Variants in LRGUK observed in about 807,000 individuals in gnomAD.
LRGUK encodes the protein leucine-rich repeat and guanylate kinase domain-containing protein.
LRGUK carries 65 observed loss-of-function variants against 76.0 expected under a neutral mutation model. The ratio of observed to expected loss-of-function variants is 0.85; its 90% CI spans 0.70 to 1.05. The LOEUF (loss-of-function observed/expected upper bound fraction) is 1.05, where lower values mean the gene tolerates loss of function less well. Ranked by LOEUF, LRGUK falls within the 50% of genes least tolerant of loss-of-function variation. The probability of loss-of-function intolerance (pLI) is 0.00; values close to 1 mark genes in which losing one functional copy is unlikely to be tolerated. For missense variants in LRGUK, 758 were observed against 732.8 expected (o/e 1.03, Z -0.40); for synonymous variants, 268 against 265.6 (o/e 1.01, Z -0.09).
intron 15 of LRGUK, among the ~76,000 whole-genome samples, chr7:134,206,255 G>A (rs775488067): frequency 2.6e-5 from 4 of 152,248 alleles, no homozygotes; most frequent in South Asian, 2.1e-4. Flanking sequence ...GGTGGCTTAC[G>A]CCTGTAATCC....
At chr7:134,157,245 TC>T (rs1257347070) in intron 5 of LRGUK, among the ~76,000 whole-genome samples, 1 of 152,208 alleles carries the variant, frequency 6.6e-6, no homozygotes, top group Non-Finnish European at 1.5e-5. Context: ...AAAGGGCTGT[TC>T]CTTTCTCTAA....
intron 16 of LRGUK, among the ~76,000 whole-genome samples, chr7:134,234,888 C>T (rs1801979079): frequency 6.6e-6 from 1 of 152,084 alleles, no homozygotes; most frequent in African/African-American, 2.4e-5. Context: ...AACTCTGTAT[C>T]TGCAGTTATC....
At chr7:134,190,084 C>T (rs1160811218) in intron 11 of LRGUK, among the ~76,000 whole-genome samples, 1 of 152,140 alleles carries the variant, frequency 6.6e-6, no homozygotes, top group African/African-American at 2.4e-5. Context: ...ATTACTTAAT[C>T]GCTGTGCCTC....
At chr7:134,197,216 T>C in intron 13 of LRGUK, 111 bp downstream of exon 13, 1 of 649,990 alleles carries the variant, frequency 1.5e-6, no homozygotes, top group Non-Finnish European at 2.7e-6. Flanking sequence ...TGATACATAA[T>C]TGAGGTACAT....
At chr7:134,247,601 C>T in exon 17 of LRGUK, 1 of 1,613,878 alleles carries the variant, frequency 6.2e-7, no homozygotes, top group Non-Finnish European at 8.5e-7. Flanking sequence ...CCGGCAAGCT[C>T]TAATGGGAAG....
chr7:134,199,037 A>G (rs1398749393), intron 13 of LRGUK, among the ~76,000 whole-genome samples, 183 bp from the exon 14 acceptor site: 1 of 152,218 alleles, frequency 6.6e-6, no homozygotes, highest in African/African-American at 2.4e-5. Context: ...AAACTTGATG[A>G]AGAGAGAAAT....
chr7:134,273,025 A>G, the LRGUK span, among the ~76,000 whole-genome samples: 5 of 152,244 alleles, frequency 3.3e-5, no homozygotes, highest in South Asian at 8.3e-4. Flanking sequence ...AGTCTTGAGT[A>G]TTGTCTATTT....
intron 16 of LRGUK, among the ~76,000 whole-genome samples, chr7:134,225,814 G>A (rs1369201158): frequency 6.6e-6 from 1 of 152,130 alleles, no homozygotes; most frequent in Non-Finnish European, 1.5e-5. Context: ...TGCAAAACAA[G>A]CAACATACCT....
At chr7:134,168,212 A>T (rs191521716) in intron 7 of LRGUK, among the ~76,000 whole-genome samples, 7 of 151,976 alleles carry the variant, frequency 4.6e-5, no homozygotes, top group Non-Finnish European at 7.4e-5. Context: ...TAATAATAAT[A>T]AAAAAAACTG....
intron 8 of LRGUK, among the ~76,000 whole-genome samples, 176 bp from the exon 9 acceptor site, chr7:134,176,801 C>G (rs1799498735): frequency 6.6e-6 from 1 of 152,192 alleles, no homozygotes; most frequent in Non-Finnish European, 1.5e-5. Flanking sequence ...AAGGCACAGT[C>G]TGCATTGAGT....
At chr7:134,145,469 A>T (rs894103775) in intron 4 of LRGUK, among the ~76,000 whole-genome samples, 1 of 151,742 alleles carries the variant, frequency 6.6e-6, no homozygotes, top group Non-Finnish European at 1.5e-5. Context: ...CTGGTCTGAA[A>T]CTCCTGATCT....
At chr7:134,265,475 C>A (rs896855252), downstream of LRGUK, among the ~76,000 whole-genome samples, 4 of 152,030 alleles carry the variant, frequency 2.6e-5, no homozygotes, top group African/African-American at 9.7e-5. Flanking sequence ...AACTAAAATT[C>A]AAAGTTATTA....
chr7:134,130,228 T>C (rs1320754122), intron 1 of LRGUK, among the ~76,000 whole-genome samples: 2 of 152,244 alleles, frequency 1.3e-5, no homozygotes, highest in Non-Finnish European at 2.9e-5. Flanking sequence ...ACAGTGACTG[T>C]TGCAAAACTA....
At chr7:134,151,787 T>C (rs1798234960) in intron 5 of LRGUK, among the ~76,000 whole-genome samples, 1 of 152,122 alleles carries the variant, frequency 6.6e-6, no homozygotes, top group African/African-American at 2.4e-5. Context: ...GTAAACCTTG[T>C]GATCCAGAGA....
rs1802058246 is a variant in LRGUK at position 134,238,189 on chromosome 7, T to C, written c.1984-9367T>C. On this transcript the variant is annotated intron_variant, in intron 16 of 19. Transcript: ENST00000285928. ...CATAGGTCAACACTGCTCTAGTTTT[T>C]TGTTGTCTAAGCTTATTCTTTACTA... Among the ~76,000 whole-genome samples, 3 of 152,332 alleles carry C rather than the reference T, an allele frequency of 2.0e-5. 1 individual carries two copies. In the South Asian group the frequency reaches 6.2e-4, roughly 32 times the overall value.
At chr7:134,266,913 T>C (rs1339460075), downstream of LRGUK, among the ~76,000 whole-genome samples, 2 of 152,060 alleles carry the variant, frequency 1.3e-5, no homozygotes, top group East Asian at 3.9e-4. Flanking sequence ...AAATTATATC[T>C]TAATTATAGA....
chr7:134,130,108 A>G (rs1368180584), intron 1 of LRGUK, among the ~76,000 whole-genome samples: 1 of 151,964 alleles, frequency 6.6e-6, no homozygotes, highest in East Asian at 1.9e-4. Flanking sequence ...ACTTCCTTCT[A>G]CATGAGCTAG....
chr7:134,162,823 T>C (rs1249831744), intron 6 of LRGUK, among the ~76,000 whole-genome samples: 2 of 73,304 alleles, frequency 2.7e-5, no homozygotes, highest in East Asian at 8.4e-4. Context: ...CCAGACTCCT[T>C]CTCAAAAAAA....
chr7:134,262,015 C>T (rs1275169944), intron 19 of LRGUK, among the ~76,000 whole-genome samples: 1 of 152,192 alleles, frequency 6.6e-6, no homozygotes, highest in East Asian at 1.9e-4. Context: ...CAACACTCAT[C>T]ATTCACTATA....
Sources: gnomAD v4.1 joint callset for allele counts (sites outside exome capture counted in the v4.1 genomes callset) on GRCh38, gnomAD v4.1.1 for gene constraint, MANE v1.5 for transcripts, NCBI Gene and HGNC (gene_info 2026-07-23, HGNC 2026-07-21) for gene names.